The following TAF4B variants were observed in gnomAD, a reference collection of about 807,000 sequenced individuals.
TAF4B encodes the protein transcription initiation factor TFIID subunit 4B.
Under a neutral mutation model 86.4 loss-of-function variants are expected in TAF4B, and 38 were observed. That is an observed-to-expected ratio of 0.44 (90% CI 0.34 to 0.58). The LOEUF is 0.58. TAF4B is among the 20% of genes least tolerant of loss of function. TAF4B has a pLI of 0.02. For synonymous variants in TAF4B, 388 were observed against 391.2 expected (o/e 0.99, Z 0.10); for missense variants, 988 against 1,027.6 (o/e 0.96, Z 0.53).
intron 13 of TAF4B, among the ~76,000 whole-genome samples, chr18:26,343,876 A>C (rs1389051668): frequency 2.0e-5 from 3 of 152,218 alleles, no homozygotes; most frequent in East Asian, 3.8e-4. Context: ...TTCAGGATAC[A>C]ATACAAAATC....
Position 26,231,034 on chromosome 18 carries a change from C to CTTTTTTTTTTTTTTTTTTTT in TAF4B, c.343+3764_343+3783dup, listed in dbSNP as rs536863843. On this transcript the variant is annotated intron_variant, in intron 1 of 14. Coordinates refer to ENST00000269142, the MANE Select transcript of TAF4B (RefSeq NM_005640.3). The stretch of plus-strand genomic sequence containing the variant: ...GACAAACTTGTGGTGTGTTGTTTTG[C>CTTTTTTTTTTTTTTTTTTTT]TTTTTTTTTTTTTTTTTTTTTTTTT... Among the ~76,000 whole-genome samples the CTTTTTTTTTTTTTTTTTTTT allele has an allele frequency of 1.1e-4, 7 of 66,160 alleles. 1 individual carries two copies. The highest frequency in any genetic ancestry group is 1.7e-4 in the Non-Finnish European group (6 of 35,562). 43.4% of individuals were successfully genotyped at this position (66,160 alleles called of 152,430 possible). A position where few individuals can be genotyped will look rare whatever the true frequency, so the allele number is the denominator to read the frequency against.
chr18:26,250,859 A>G (rs1017173211), intron 1 of TAF4B, among the ~76,000 whole-genome samples: 1 of 152,248 alleles, frequency 6.6e-6, no homozygotes, highest in Non-Finnish European at 1.5e-5. Flanking sequence ...TAGAAGCTCA[A>G]TTTTGGCAAA....
At chr18:26,292,779 G>A (rs747522753) in intron 8 of TAF4B, among the ~76,000 whole-genome samples, 1 of 152,062 alleles carries the variant, frequency 6.6e-6, no homozygotes, top group Non-Finnish European at 1.5e-5. Context: ...CACCCACCTT[G>A]GCCTCCCAAA....
chr18:26,285,222 G>GTTTTTGTTTTTGTTTTTTTT, intron 6 of TAF4B, among the ~76,000 whole-genome samples: 19 of 45,656 alleles, frequency 4.2e-4, no homozygotes, highest in African/African-American at 1.0e-3. Flanking sequence ...TTTTTTTTTT[G>GTTTTTGTTTTTGTTTTTTTT]TTTTTTTTTT....
At chr18:26,295,285 G>A (rs1030073553) in intron 9 of TAF4B, 20 of 319,090 alleles carry the variant, frequency 6.3e-5, no homozygotes, top group Non-Finnish European at 1.1e-4. Flanking sequence ...AAGTTCATCT[G>A]CTGGTAAATT....
chr18:26,262,414 A>T (rs2056182486), intron 1 of TAF4B, among the ~76,000 whole-genome samples: 1 of 151,544 alleles, frequency 6.6e-6, no homozygotes, highest in South Asian at 2.1e-4. Context: ...ATTCTTACTG[A>T]GTTTTAGCAG....
intron 3 of TAF4B, among the ~76,000 whole-genome samples, chr18:26,270,627 G>A (rs1317070615): frequency 1.3e-5 from 2 of 152,158 alleles, no homozygotes; most frequent in East Asian, 3.9e-4. Flanking sequence ...TTTATTAGTA[G>A]TTTTTATAAA....
At chr18:26,383,700 G>A (rs76403229) in intron 14 of TAF4B, among the ~76,000 whole-genome samples, 11,502 of 152,200 alleles carry the variant, frequency 0.076, 538 homozygotes, top group Non-Finnish European at 0.1. Flanking sequence ...CAGTGATTCC[G>A]TGTCACATCA....
intron 7 of TAF4B, among the ~76,000 whole-genome samples, chr18:26,290,347 A>T (rs1403866294): frequency 6.6e-6 from 1 of 152,170 alleles, no homozygotes; most frequent in East Asian, 1.9e-4. Flanking sequence ...GGGTCTTGCT[A>T]TATTGCCCAG....
At chr18:26,249,473 CTCT>C (rs1390717673) in intron 1 of TAF4B, among the ~76,000 whole-genome samples, 2 of 147,258 alleles carry the variant, frequency 1.4e-5, no homozygotes, top group African/African-American at 2.5e-5. Flanking sequence ...CTCTCTCTCT[CTCT>C]CAAAAAAAAA....
chr18:26,315,893 C>T (rs2056906050), intron 10 of TAF4B, among the ~76,000 whole-genome samples: 1 of 152,032 alleles, frequency 6.6e-6, no homozygotes, highest in Admixed American at 6.6e-5. Context: ...TAGATAGCTG[C>T]AGTGTGAAAG....
chr18:26,238,971 T>C (rs1270957033), intron 1 of TAF4B, among the ~76,000 whole-genome samples: 1 of 152,256 alleles, frequency 6.6e-6, no homozygotes, highest in Non-Finnish European at 1.5e-5. Flanking sequence ...TGCCACATTT[T>C]CTTAATCCAG....
chr18:26,286,614 C>T, intron 7 of TAF4B, 115 bp downstream of exon 7: 1 of 1,124,528 alleles, frequency 8.9e-7, no homozygotes, highest in South Asian at 1.7e-5. Context: ...CGGGTTTGAC[C>T]AATTAATTTT....
chr18:26,274,909 A>C, intron 4 of TAF4B, 22 bp from the exon 5 acceptor site: 1 of 1,612,248 alleles, frequency 6.2e-7, no homozygotes. Flanking sequence ...GTGTTTGCTT[A>C]TATTTACATT....
At chr18:26,255,688 ACCTCAGTCACCACT>A (rs2056073804) in intron 1 of TAF4B, 1 of 1,533,308 alleles carries the variant, frequency 6.5e-7, no homozygotes, top group African/African-American at 1.4e-5. Context: ...CTACATAAAA[ACCTCAGTCACCACT>A]CCTGAGTGGA....
chr18:26,291,601 G>T (rs555052663), intron 7 of TAF4B, among the ~76,000 whole-genome samples: 1 of 151,570 alleles, frequency 6.6e-6, no homozygotes, highest in South Asian at 2.1e-4. Context: ...TAGCTACTCA[G>T]GAGGCTGAGG....
chr18:26,260,456 G>A (rs974159669), intron 1 of TAF4B, among the ~76,000 whole-genome samples: 1 of 152,276 alleles, frequency 6.6e-6, no homozygotes, highest in African/African-American at 2.4e-5. Flanking sequence ...ATTAAGTTTT[G>A]TATAAGGTAT....
chr18:26,256,188 A>T (rs924511159), intron 1 of TAF4B: 54 of 1,610,716 alleles, frequency 3.4e-5, no homozygotes, highest in South Asian at 1.5e-4. Flanking sequence ...CACAAGCAGG[A>T]CACAGGCATT....
intron 14 of TAF4B, among the ~76,000 whole-genome samples, chr18:26,376,498 A>G (rs1336409408): frequency 6.7e-6 from 1 of 148,932 alleles, no homozygotes; most frequent in Non-Finnish European, 1.5e-5. Flanking sequence ...GTATAGAACT[A>G]CTATGTAGTT....
Sources: allele counts gnomAD v4.1 joint callset (sites outside exome capture counted in the v4.1 genomes callset), GRCh38; gene constraint gnomAD v4.1.1; transcripts MANE v1.5; gene names NCBI Gene and HGNC (gene_info 2026-07-23, HGNC 2026-07-21).